The following ROBO2 variants were observed in gnomAD, a reference collection of about 807,000 sequenced individuals.
ROBO2 encodes the protein roundabout homolog 2.
In ROBO2, 53 loss-of-function variants were observed where a neutral mutation model predicts 160.8. The ratio of observed to expected loss-of-function variants is 0.33; its 90% CI spans 0.26 to 0.41. The LOEUF is 0.41. Among genes scored for constraint, ROBO2 ranks in the 10% least tolerant of loss-of-function variants. The pLI is 1.00. For synonymous variants in ROBO2, 664 were observed against 611.7 expected (o/e 1.09, Z -1.26); for missense variants, 1,577 against 1,722.4 (o/e 0.92, Z 1.49).
At chr3:77,221,455 G>A (rs2085778628) in intron 2 of ROBO2, among the ~76,000 whole-genome samples, 1 of 152,218 alleles carries the variant, frequency 6.6e-6, no homozygotes, top group East Asian at 1.9e-4. Flanking sequence ...GAAGGAAGCA[G>A]AGGCTAATAT....
At chr3:77,329,283 T>C (rs17015179) in intron 2 of ROBO2, among the ~76,000 whole-genome samples, 3,413 of 152,356 alleles carry the variant, frequency 0.022, 158 homozygotes, top group African/African-American at 0.077. Context: ...GACGGATACG[T>C]GTGGCTACAG....
Position 77,177,869 on chromosome 3 carries a change from TTATGTACGTA to T in ROBO2, c.388+79535_388+79544del, listed in dbSNP as rs1160924621. Among the ~76,000 whole-genome samples, 22 of 152,206 alleles carry T rather than the reference TTATGTACGTA, an allele frequency of 1.4e-4. No homozygotes were observed. The South Asian group carries it at 4.6e-3, about 31-fold the overall frequency. On this transcript the variant is annotated intron_variant, in intron 2 of 25. Transcript: ENST00000461745. ...ACACAAATCTCTCTTCCATTTATAA[TTATGTACGTA>T]TATGTGCTAAATAAATATTATGCTT...
chr3:76,555,425 G>GAGGAAGAAGAAGAA (rs2083713861), intron 2 of ROBO2, among the ~76,000 whole-genome samples: 2 of 68,472 alleles, frequency 2.9e-5, no homozygotes, highest in Admixed American at 3.6e-4. Flanking sequence ...AAGAAAGAAG[G>GAGGAAGAAGAAGAA]AGAAGGGGAA....
intron 1 of ROBO2, among the ~76,000 whole-genome samples, chr3:77,041,827 G>A (rs2064132030): frequency 6.6e-6 from 1 of 152,018 alleles, no homozygotes; most frequent in East Asian, 1.9e-4. Context: ...CTGGATTGCA[G>A]TACTTTAGGT....
At chr3:77,273,364 G>A (rs916654562) in intron 2 of ROBO2, among the ~76,000 whole-genome samples, 2 of 152,140 alleles carry the variant, frequency 1.3e-5, no homozygotes, top group African/African-American at 2.4e-5. Flanking sequence ...TTTGAATGGC[G>A]TTGTCAGACA....
At chr3:77,087,999 C>T (rs527655230) in intron 1 of ROBO2, among the ~76,000 whole-genome samples, 14 of 152,200 alleles carry the variant, frequency 9.2e-5, no homozygotes, top group East Asian at 3.9e-4. Flanking sequence ...GCACTCCCTA[C>T]GGGTGCTGAG....
chr3:77,260,028 C>T (rs545177582), intron 2 of ROBO2, among the ~76,000 whole-genome samples: 8 of 152,274 alleles, frequency 5.3e-5, no homozygotes, highest in African/African-American at 1.7e-4. Context: ...ATGAGCTCAT[C>T]TTGTCATTCT....
chr3:75,969,073 C>G (rs928842494), intron 2 of ROBO2, among the ~76,000 whole-genome samples: 1 of 150,528 alleles, frequency 6.6e-6, no homozygotes, highest in African/African-American at 2.4e-5. Flanking sequence ...ATAATGCCAT[C>G]CAGGTTCATC....
intron 2 of ROBO2, among the ~76,000 whole-genome samples, chr3:76,000,167 C>T (rs2065841619): frequency 6.6e-6 from 1 of 152,042 alleles, no homozygotes; most frequent in Admixed American, 6.6e-5. Flanking sequence ...CATCTTGATA[C>T]TCTAGTCATA....
intron 2 of ROBO2, among the ~76,000 whole-genome samples, chr3:76,054,171 C>G (rs1017307485): frequency 6.6e-6 from 1 of 152,106 alleles, no homozygotes; most frequent in Non-Finnish European, 1.5e-5. Flanking sequence ...AATAATAAGG[C>G]AACCTCTATC....
chr3:76,686,041 G>A (rs1224807333), intron 2 of ROBO2, among the ~76,000 whole-genome samples: 1 of 150,012 alleles, frequency 6.7e-6, no homozygotes. Context: ...CCTGAAGTCT[G>A]TGTTTTCCTT....
intron 2 of ROBO2, among the ~76,000 whole-genome samples, chr3:77,034,592 G>A (rs1413040144): frequency 6.6e-6 from 1 of 151,830 alleles, no homozygotes; most frequent in Non-Finnish European, 1.5e-5. Flanking sequence ...GGGAGAATAA[G>A]CAATTTTTTT....
chr3:76,972,441 C>T (rs558225878), intron 2 of ROBO2, among the ~76,000 whole-genome samples: 21 of 151,840 alleles, frequency 1.4e-4, no homozygotes, highest in South Asian at 8.3e-4. Context: ...CAGAGAAAGG[C>T]GTTGATTATA....
In ROBO2 at chr3:77,522,859, T is replaced by C. The variant is rs377749320; in HGVS notation, c.891T>C (p.Asn297=). 9 of 1,609,538 alleles carry C rather than the reference T, an allele frequency of 5.6e-6. No individual in the cohort carries two copies. In the African/African-American group the frequency reaches 1.2e-4, roughly 22 times the overall value. The change falls in exon 6 of 26, where the codon AAT becomes AAC. Residue 297 remains asparagine, a synonymous_variant. Transcript: ENST00000461745. ...GCACCTATATGTGTATTGCTGAGAA[T>C]CGGGTTGGAAAAATGGAAGCCTCTG...
intron 2 of ROBO2, among the ~76,000 whole-genome samples, chr3:76,313,394 A>G (rs1245605817): frequency 6.6e-6 from 1 of 152,052 alleles, no homozygotes; most frequent in Non-Finnish European, 1.5e-5. Flanking sequence ...TTTTCTTGGC[A>G]TGCTATGCAG....
In ROBO2 at chr3:76,356,164, A is replaced by C. The variant is rs113541947; in HGVS notation, c.109+418562A>C. Among the ~76,000 whole-genome samples, 57 of 151,858 alleles carry C rather than the reference A, an allele frequency of 3.8e-4. 1 individual carries two copies. The highest frequency in any genetic ancestry group is 1.1e-3 in the African/African-American group (45 of 41,536). The stretch of plus-strand genomic sequence containing the variant: ...TGGTTATATATTGCTTTTGAGAACA[A>C]TACATAAACATGACACAAGAGATTA... On this transcript the variant is annotated intron_variant, in intron 2 of 26. Transcript: ENST00000487694.
chr3:76,555,756 G>T (rs544276310), intron 2 of ROBO2, among the ~76,000 whole-genome samples: 1 of 151,968 alleles, frequency 6.6e-6, no homozygotes, highest in Non-Finnish European at 1.5e-5. Context: ...TAGTTAAGAG[G>T]TTCTCAAACA....
In ROBO2 at chr3:76,937,593, T is replaced by G. The variant is rs188071232; in HGVS notation, c.110-160421T>G. Among the ~76,000 whole-genome samples the G allele has an allele frequency of 5.6e-3, 834 of 147,754 alleles. 9 individuals are homozygous for G. Among genetic ancestry groups the G allele is most frequent in the African/African-American group, 0.021 (773 of 37,232 alleles). On this transcript the variant is annotated intron_variant, in intron 2 of 26. Coordinates refer to the ROBO2 transcript ENST00000487694. Reference sequence around the variant, plus strand: ...AATAAAATAGTAATCTATAATCACATCTGCCAAAGAAAACTATCTTTGCAT... The same window carrying G: ...AATAAAATAGTAATCTATAATCACAGCTGCCAAAGAAAACTATCTTTGCAT...
intron 2 of ROBO2, among the ~76,000 whole-genome samples, chr3:76,104,942 C>A (rs1223045320): frequency 2.0e-5 from 3 of 152,142 alleles, no homozygotes; most frequent in African/African-American, 7.2e-5. Context: ...AGGTTAAGTG[C>A]TGATAAGTTA....
Sources: allele counts gnomAD v4.1 joint callset (sites outside exome capture counted in the v4.1 genomes callset), GRCh38; gene constraint gnomAD v4.1.1; transcripts MANE v1.5; gene names NCBI Gene and HGNC (gene_info 2026-07-23, HGNC 2026-07-21).